The following SORBS2 variants were observed in gnomAD, a reference collection of about 807,000 sequenced individuals.
SORBS2 encodes sorbin and SH3 domain-containing protein 2.
SORBS2 carries 46 observed loss-of-function variants against 97.7 expected under a neutral mutation model. The observed-to-expected ratio is 0.47, with a 90% confidence interval of 0.37 to 0.60. SORBS2 has a LOEUF of 0.60. Ranked by LOEUF, SORBS2 falls within the 20% of genes least tolerant of loss-of-function variation. The pLI is 0.00. For synonymous variants in SORBS2, 476 were observed against 473.4 expected (o/e 1.01, Z -0.07); for missense variants, 1,316 against 1,282.3 (o/e 1.03, Z -0.40).
At chr4:185,938,965 G>A (rs75522249) in intron 1 of SORBS2, among the ~76,000 whole-genome samples, 2,254 of 152,242 alleles carry the variant, frequency 0.015, 25 homozygotes, top group Middle Eastern at 0.031. Context: ...ACATCACTAC[G>A]CGGCTCAATC....
rs143244694 is a variant in SORBS2 at position 185,607,155 on chromosome 4, G to A, written c.2796+4625C>T. On this transcript the variant is annotated intron_variant, in intron 12 of 14. Coordinates refer to ENST00000418609, the Ensembl canonical transcript of SORBS2. This position sits in a 1 kb window ranked among gnomAD's most constrained non-coding sequence, Gnocchi z 5.2. ...TTGGTTTGGCTTGGTCAGCTGACAA[G>A]GTTAAAGCACCAAGCTTCTCCAATT... The A allele has an allele frequency of 8.1e-5, 90 of 1,116,170 alleles. No individual in the cohort carries two copies. In the East Asian group the frequency reaches 6.0e-3, roughly 75 times the overall value. 69.1% of individuals were successfully genotyped at this position (1,116,170 alleles called of 1,614,324 possible).
At chr4:185,619,223 A>T (rs1289184718) in intron 8 of SORBS2, among the ~76,000 whole-genome samples, 1 of 152,178 alleles carries the variant, frequency 6.6e-6, no homozygotes, top group Non-Finnish European at 1.5e-5. Flanking sequence ...TTGTGATGTG[A>T]TGTGACACGT....
At chr4:185,688,737 C>T (rs1020853890) in intron 2 of SORBS2, among the ~76,000 whole-genome samples, 1 of 151,906 alleles carries the variant, frequency 6.6e-6, no homozygotes, top group African/African-American at 2.4e-5. Flanking sequence ...ATTCCTAAGG[C>T]AATATATGTG....
intron 1 of SORBS2, among the ~76,000 whole-genome samples, chr4:185,890,739 G>A (rs1413075838): frequency 6.6e-6 from 1 of 152,106 alleles, no homozygotes; most frequent in Admixed American, 6.6e-5. Flanking sequence ...AGGAGCATGG[G>A]GACACCCTCC....
intron 2 of SORBS2, among the ~76,000 whole-genome samples, chr4:185,722,167 A>T (rs1583425367): frequency 6.6e-6 from 1 of 152,246 alleles, no homozygotes; most frequent in Admixed American, 6.5e-5. Context: ...TCCAGACAGG[A>T]TGATGAAACG....
intron 1 of SORBS2, among the ~76,000 whole-genome samples, chr4:185,814,441 T>C (rs927891819): frequency 1.3e-5 from 2 of 152,006 alleles, no homozygotes; most frequent in Non-Finnish European, 2.9e-5. Context: ...CTCGGGAGGC[T>C]GAGGAAGGAG....
rs1328538129 is a variant in SORBS2 at position 185,893,191 on chromosome 4, G to C, written c.-338+63005C>G. Reference sequence around the variant, plus strand: ...GTGGAATGAGGAGGAAGAAAGAAGAGACAGAAAGGCCTTATCATACTAGGA... The same window carrying C: ...GTGGAATGAGGAGGAAGAAAGAAGACACAGAAAGGCCTTATCATACTAGGA... On this transcript the variant is annotated intron_variant, in intron 1 of 20. Coordinates refer to the SORBS2 transcript ENST00000284776. 2.0e-5 allele frequency among the ~76,000 whole-genome samples: 3 copies of C among 152,180 alleles called. 1 individual carries two copies. The highest frequency in any genetic ancestry group is 1.3e-4 in the Admixed American group (2 of 15,282).
intron 12 of SORBS2, among the ~76,000 whole-genome samples, chr4:185,608,743 G>C (rs1409960792): frequency 1.3e-5 from 2 of 152,140 alleles, no homozygotes; most frequent in Non-Finnish European, 2.9e-5. Flanking sequence ...CCTGCTATGT[G>C]CCTAAAAGCC....
At chr4:185,615,613 TG>T (rs1055143448) in intron 9 of SORBS2, among the ~76,000 whole-genome samples, 3 of 152,076 alleles carry the variant, frequency 2.0e-5, no homozygotes, top group Non-Finnish European at 4.4e-5. Flanking sequence ...ACAAATATCA[TG>T]TAGCCTCAGA....
intron 4 of SORBS2, among the ~76,000 whole-genome samples, chr4:185,634,789 G>T: frequency 6.6e-6 from 1 of 152,092 alleles, no homozygotes; most frequent in East Asian, 1.9e-4. Flanking sequence ...GGATTACAGT[G>T]TTGAAAAGGA....
chr4:185,860,252 T>C (rs1282116455), intron 1 of SORBS2, among the ~76,000 whole-genome samples: 2 of 152,230 alleles, frequency 1.3e-5, no homozygotes, highest in Non-Finnish European at 2.9e-5. Context: ...TGAATAAGGT[T>C]GATATGGTTT....
chr4:185,835,363 G>T (rs1353610432), intron 1 of SORBS2, among the ~76,000 whole-genome samples: 3 of 152,164 alleles, frequency 2.0e-5, no homozygotes, highest in Non-Finnish European at 2.9e-5. Flanking sequence ...CTTAATCACA[G>T]AAACTAAATT....
At chr4:185,903,841 T>C (rs1332920891) in intron 1 of SORBS2, among the ~76,000 whole-genome samples, 1 of 152,154 alleles carries the variant, frequency 6.6e-6, no homozygotes, top group Non-Finnish European at 1.5e-5. Flanking sequence ...GAATGGAAGT[T>C]ATCAAAAGTA....
At chr4:185,862,846 C>T (rs2099224648) in intron 1 of SORBS2, among the ~76,000 whole-genome samples, 1 of 152,202 alleles carries the variant, frequency 6.6e-6, no homozygotes, top group East Asian at 1.9e-4. Context: ...ATACACCTGA[C>T]ACCTCTGGAT....
At chr4:185,829,538 C>T (rs2153673289) in intron 1 of SORBS2, among the ~76,000 whole-genome samples, 1 of 152,238 alleles carries the variant, frequency 6.6e-6, no homozygotes, top group Non-Finnish European at 1.5e-5. Context: ...GAGAAAAGCT[C>T]TGTTATTCCC....
At chr4:185,760,557 T>C (rs2098874866) in intron 2 of SORBS2, among the ~76,000 whole-genome samples, 1 of 151,440 alleles carries the variant, frequency 6.6e-6, no homozygotes, top group South Asian at 2.1e-4. Flanking sequence ...GAGTGAAACT[T>C]TGTCTCAAAA....
At chr4:185,685,912 A>G (rs938470665) in intron 2 of SORBS2, among the ~76,000 whole-genome samples, 6 of 152,240 alleles carry the variant, frequency 3.9e-5, no homozygotes, top group African/African-American at 1.4e-4. Context: ...TAAGTTCATC[A>G]GCCATTTTAA....
chr4:185,738,109 A>C (rs778964723), intron 2 of SORBS2, among the ~76,000 whole-genome samples: 1 of 152,224 alleles, frequency 6.6e-6, no homozygotes, highest in African/African-American at 2.4e-5. Flanking sequence ...TTCCAAGTCA[A>C]TCGAGACAGC....
rs1280941091 is a variant in SORBS2 at position 185,942,584 on chromosome 4, C to T, written c.-338+13612G>A. On this transcript the variant is annotated intron_variant, in intron 1 of 20. Transcript: ENST00000284776. Reference sequence around the variant, plus strand: ...CAGGCTGGTCTTGAACTCCTGACCTCGTGATCCACCCGCCTCGGCCTCCCA... The same window carrying T: ...CAGGCTGGTCTTGAACTCCTGACCTTGTGATCCACCCGCCTCGGCCTCCCA... Among the ~76,000 whole-genome samples, 8 of 152,148 alleles carry T rather than the reference C, an allele frequency of 5.3e-5. No homozygotes were observed. The South Asian group carries it at 6.2e-4, about 12-fold the overall frequency.
Sources: allele counts gnomAD v4.1 joint callset (sites outside exome capture counted in the v4.1 genomes callset), GRCh38; gene constraint gnomAD v4.1.1; non-coding constraint Gnocchi (gnomAD v3.1); transcripts MANE v1.5; gene names NCBI Gene and HGNC (gene_info 2026-07-23, HGNC 2026-07-21).